Variants in HECW1 observed in about 807,000 individuals in gnomAD.
The protein encoded by HECW1 is E3 ubiquitin-protein ligase HECW1.
Under a neutral mutation model 182.3 loss-of-function variants are expected in HECW1, and 61 were observed. That is an observed-to-expected ratio of 0.33 (90% confidence interval 0.27 to 0.41). HECW1 has a LOEUF of 0.41. Among genes scored for constraint, HECW1 ranks in the 10% least tolerant of loss-of-function variants. The pLI, the probability that HECW1 is intolerant of heterozygous loss-of-function variation, is 1.00. For missense variants in HECW1, 1,739 were observed against 2,108.9 expected, an observed-to-expected ratio of 0.82 and a Z score of 3.44; for synonymous variants, 859 against 832.6, an observed-to-expected ratio of 1.03 and a Z score of -0.55.
At chr7:43,498,236 C>T (rs566567086) in intron 19 of HECW1, among the ~76,000 whole-genome samples, 48 of 152,324 alleles carry the variant, frequency 3.2e-4, no homozygotes, top group African/African-American at 1.1e-3. Context: ...GGATGTGGTC[C>T]ATATGGTGGT....
chr7:43,443,811 C>G (rs2076961626), intron 10 of HECW1, among the ~76,000 whole-genome samples: 1 of 152,122 alleles, frequency 6.6e-6, no homozygotes, highest in Non-Finnish European at 1.5e-5. Context: ...AGGAAACATT[C>G]TGAGCAAATG....
chr7:43,202,762 A>G (rs746661968), intron 2 of HECW1, among the ~76,000 whole-genome samples: 3 of 152,200 alleles, frequency 2.0e-5, no homozygotes, highest in Non-Finnish European at 2.9e-5. Flanking sequence ...ACCTGCATGT[A>G]TACATCCAGA....
At chr7:43,360,164 G>C (rs1177090996) in intron 5 of HECW1, among the ~76,000 whole-genome samples, 1 of 151,502 alleles carries the variant, frequency 6.6e-6, no homozygotes, top group Non-Finnish European at 1.5e-5. Context: ...TTCAAACCCA[G>C]TGTGATCCCC....
chr7:43,558,635 A>G (rs73693031), intron 29 of HECW1, among the ~76,000 whole-genome samples: 2,324 of 152,244 alleles, frequency 0.015, 71 homozygotes, highest in African/African-American at 0.053. Flanking sequence ...TCCCACAACA[A>G]AGAGTTATCA....
At chr7:43,429,314 A>G (rs2076463510) in intron 8 of HECW1, among the ~76,000 whole-genome samples, 1 of 132,482 alleles carries the variant, frequency 7.5e-6, no homozygotes, top group African/African-American at 3.1e-5. Flanking sequence ...ATATATATAT[A>G]TATATATATA....
intron 17 of HECW1, among the ~76,000 whole-genome samples, chr7:43,481,846 C>T (rs957105073): frequency 1.3e-4 from 19 of 151,692 alleles, no homozygotes; most frequent in African/African-American, 4.4e-4. Flanking sequence ...ATTAGTCAGG[C>T]ATGGTGGCGG....
intron 5 of HECW1, among the ~76,000 whole-genome samples, chr7:43,357,578 G>A (rs1364834788): frequency 2.0e-5 from 3 of 152,142 alleles, no homozygotes; most frequent in Non-Finnish European, 2.9e-5. Flanking sequence ...GAAGGAAGAA[G>A]AAGATGAATA....
intron 10 of HECW1, among the ~76,000 whole-genome samples, chr7:43,443,682 C>A (rs2330870): frequency 6.6e-6 from 1 of 152,078 alleles, no homozygotes; most frequent in South Asian, 2.1e-4. Flanking sequence ...ATGTTGGGAA[C>A]CTTCCAGCCT....
rs192506765 is a variant in HECW1, at chr7:43,281,187, T to C, written c.28-30576T>C. Among the ~76,000 whole-genome samples the C allele has an allele frequency of 1.8e-3, 277 of 152,268 alleles. 1 individual carries two copies. Among genetic ancestry groups the C allele is most frequent in the Non-Finnish European group, 3.3e-3 (223 of 68,020 alleles). On this transcript the variant is annotated intron_variant, in intron 3 of 29. Transcript: ENST00000395891. The stretch of plus-strand genomic sequence containing the variant: ...CTGCTGAGAGTCCCTTCAGCAGCCT[T>C]TGGCCCTGTCACTGCAGGAAGCCCC...
intron 24 of HECW1, among the ~76,000 whole-genome samples, chr7:43,531,740 G>A (rs932986089): frequency 1.6e-4 from 24 of 152,080 alleles, no homozygotes; most frequent in African/African-American, 5.8e-4. Context: ...TGACACAGTC[G>A]GCCTCTGCCT....
At chr7:43,450,956 T>C (rs995133763) in intron 12 of HECW1, 27 bp downstream of exon 12, 4 of 1,430,164 alleles carry the variant, frequency 2.8e-6, no homozygotes, top group Non-Finnish European at 3.9e-6. Context: ...AAAATCTGTG[T>C]CTTAACTCTT....
chr7:43,524,330 A>G (rs2080669269), intron 24 of HECW1, among the ~76,000 whole-genome samples: 1 of 152,222 alleles, frequency 6.6e-6, no homozygotes, highest in Non-Finnish European at 1.5e-5. Flanking sequence ...TTTCTAATAT[A>G]TAAGAAGTTA....
intron 5 of HECW1, among the ~76,000 whole-genome samples, chr7:43,331,145 C>T (rs892310251): frequency 6.6e-6 from 1 of 151,962 alleles, no homozygotes; most frequent in African/African-American, 2.4e-5. Context: ...CTCCCCCCAC[C>T]CCACGACAGG....
chr7:43,163,120 G>C (rs1265918763), intron 2 of HECW1: 4 of 152,218 alleles, frequency 2.6e-5, no homozygotes, highest in Admixed American at 1.3e-4. Context: ...GCACAGACGA[G>C]AACAGTCCCA....
intron 3 of HECW1, among the ~76,000 whole-genome samples, chr7:43,280,471 C>A (rs1410588218): frequency 6.6e-6 from 1 of 152,204 alleles, no homozygotes; most frequent in East Asian, 1.9e-4. Context: ...ACCTAAGTTA[C>A]CTCAATCCCA....
chr7:43,456,786 C>T (rs1050373691), intron 13 of HECW1, among the ~76,000 whole-genome samples: 2 of 152,196 alleles, frequency 1.3e-5, no homozygotes, highest in African/African-American at 4.8e-5. Context: ...TTTCCAGGCA[C>T]TGTACCCAAA....
intron 2 of HECW1, among the ~76,000 whole-genome samples, chr7:43,180,154 G>A (rs1792680249): frequency 8.0e-6 from 1 of 125,280 alleles, no homozygotes; most frequent in Admixed American, 7.7e-5. Context: ...CAAAAGATGG[G>A]GACATCACCA....
intron 3 of HECW1, among the ~76,000 whole-genome samples, chr7:43,277,487 C>T (rs925693304): frequency 5.3e-5 from 8 of 152,120 alleles, no homozygotes; most frequent in Non-Finnish European, 1.2e-4. Context: ...ACTGGCCCAA[C>T]CAAAAATAGA....
chr7:43,394,043 G>C (rs2075139175), intron 6 of HECW1, among the ~76,000 whole-genome samples: 1 of 152,144 alleles, frequency 6.6e-6, no homozygotes, highest in Admixed American at 6.5e-5. Flanking sequence ...TTAGAATTAG[G>C]AGCCAGAGGC....
Sources: allele counts gnomAD v4.1 joint callset (sites outside exome capture counted in the v4.1 genomes callset), GRCh38; gene constraint gnomAD v4.1.1; transcripts MANE v1.5; gene names NCBI Gene and HGNC (gene_info 2026-07-23, HGNC 2026-07-21).